MCTP1: variants seen among roughly 807,000 people sequenced by gnomAD.
MCTP1 encodes the protein multiple C2 and transmembrane domain-containing protein 1.
Under a neutral mutation model 120.6 loss-of-function variants are expected in MCTP1, and 69 were observed. The observed-to-expected ratio is 0.57, with a 90% CI of 0.47 to 0.70. The LOEUF (loss-of-function observed/expected upper bound fraction) is 0.70. Ranked by LOEUF, MCTP1 falls within the 30% of genes least tolerant of loss-of-function variation. MCTP1 has a pLI of 0.00. For missense variants in MCTP1, 1,203 were observed against 1,248.8 expected (o/e 0.96, Z 0.55); for synonymous variants, 529 against 493.1 (o/e 1.07, Z -0.96).
At chr5:95,245,398 C>T (rs1254773585) in intron 1 of MCTP1, among the ~76,000 whole-genome samples, 1 of 152,184 alleles carries the variant, frequency 6.6e-6, no homozygotes, top group Non-Finnish European at 1.5e-5. Context: ...GGCGCATGTT[C>T]TAACCCATCG....
At chr5:94,939,998 T>C (rs2153501884) in intron 5 of MCTP1, 86 bp downstream of exon 5, 1 of 674,730 alleles carries the variant, frequency 1.5e-6, no homozygotes, top group East Asian at 2.7e-5. Flanking sequence ...ATAGGCAGCT[T>C]CTCTTTATTA....
In MCTP1 at chr5:94,959,401, G is replaced by GAAC. The variant is rs1823545943; in HGVS notation, c.839-6041_839-6040insGTT. ...TCTCTCACCACTCCTATTCAATATA[G>GAAC]TATTGAAAGTTCCGGCCAGGGCAAT... On this transcript the variant is annotated intron_variant, in intron 2 of 22. Transcript: ENST00000515393. Among the ~76,000 whole-genome samples the GAAC allele has an allele frequency of 4.6e-5, 7 of 152,238 alleles. No individual in the cohort carries two copies. The South Asian group carries it at 1.4e-3, about 32-fold the overall frequency.
chr5:94,778,021 T>G (rs1402543599), intron 19 of MCTP1, among the ~76,000 whole-genome samples: 2 of 151,994 alleles, frequency 1.3e-5, no homozygotes, highest in African/African-American at 2.4e-5. Flanking sequence ...AATCACTGAA[T>G]TTTTTGACAT....
At chr5:94,932,610 T>G (rs1341199439) in intron 5 of MCTP1, among the ~76,000 whole-genome samples, 4 of 152,060 alleles carry the variant, frequency 2.6e-5, no homozygotes, top group Admixed American at 1.3e-4. Flanking sequence ...TCTAGAGCTT[T>G]GTAATGCATC....
chr5:95,208,575 AG>A (rs1336471384), intron 1 of MCTP1, among the ~76,000 whole-genome samples: 1 of 152,112 alleles, frequency 6.6e-6, no homozygotes, highest in Non-Finnish European at 1.5e-5. Context: ...TTTGGTTTTG[AG>A]GGTTTAAATA....
intron 1 of MCTP1, among the ~76,000 whole-genome samples, chr5:95,035,389 T>TA (rs754921028): frequency 1.3e-5 from 2 of 152,038 alleles, no homozygotes; most frequent in Non-Finnish European, 2.9e-5. Flanking sequence ...TGTGCAGCCA[T>TA]AAAAAGAATG....
intron 1 of MCTP1, among the ~76,000 whole-genome samples, chr5:95,038,350 C>A (rs961647384): frequency 6.6e-6 from 1 of 152,062 alleles, no homozygotes; most frequent in African/African-American, 2.4e-5. Flanking sequence ...TGGATTACAA[C>A]CCAAAGAATA....
chr5:94,718,550 C>G (rs1465870768), intron 19 of MCTP1, among the ~76,000 whole-genome samples: 1 of 152,044 alleles, frequency 6.6e-6, no homozygotes, highest in Admixed American at 6.6e-5. Flanking sequence ...AGAGCTTCTG[C>G]ACAGCAAAAG....
At chr5:95,213,167 C>A (rs1752606161) in intron 1 of MCTP1, among the ~76,000 whole-genome samples, 1 of 152,162 alleles carries the variant, frequency 6.6e-6, no homozygotes, top group South Asian at 2.1e-4. Flanking sequence ...TCAGCAAAGT[C>A]TCAGGATACA....
chr5:95,043,077 C>A (rs769585048), intron 1 of MCTP1, among the ~76,000 whole-genome samples: 2 of 152,092 alleles, frequency 1.3e-5, no homozygotes, highest in African/African-American at 2.4e-5. Context: ...CACCAATCTT[C>A]CAAAAATATC....
At chr5:95,181,756 A>G (rs1415250427) in intron 1 of MCTP1, among the ~76,000 whole-genome samples, 4 of 152,226 alleles carry the variant, frequency 2.6e-5, no homozygotes, top group Non-Finnish European at 5.9e-5. Flanking sequence ...TGCATAAGAT[A>G]CAAAATTTGC....
intron 17 of MCTP1, among the ~76,000 whole-genome samples, chr5:94,844,045 G>A (rs889556148): frequency 1.3e-5 from 2 of 152,150 alleles, no homozygotes; most frequent in Non-Finnish European, 2.9e-5. Flanking sequence ...GCTCATGCCT[G>A]TAATCTCAAC....
rs772726730 is a variant in MCTP1, at chr5:95,183,772, C to A, written c.720+100084G>T. The stretch of plus-strand genomic sequence containing the variant: ...TAATGAAGGAAATAAAAATAAAAAT[C>A]ACAATTAGATACTACTTCAGATCTA... On this transcript the variant is annotated intron_variant, in intron 1 of 22. Transcript: ENST00000515393. Among the ~76,000 whole-genome samples the A allele has an allele frequency of 2.8e-4, 42 of 152,084 alleles. 1 individual carries two copies. The highest frequency in any genetic ancestry group is 1.5e-4 in the Non-Finnish European group (10 of 68,014).
chr5:94,819,621 A>G (rs1184766009), intron 17 of MCTP1, among the ~76,000 whole-genome samples: 1 of 152,196 alleles, frequency 6.6e-6, no homozygotes, highest in Non-Finnish European at 1.5e-5. Context: ...CAATAGGTCC[A>G]ATGTGGCCAT....
At chr5:95,061,258 GATAA>G (rs1562094564) in intron 1 of MCTP1, among the ~76,000 whole-genome samples, 1 of 150,692 alleles carries the variant, frequency 6.6e-6, no homozygotes. Context: ...TAGCAAAAGA[GATAA>G]ATAAGGGAAA....
chr5:94,797,835 A>G (rs1468912429), intron 18 of MCTP1, among the ~76,000 whole-genome samples: 1 of 152,138 alleles, frequency 6.6e-6, no homozygotes, highest in African/African-American at 2.4e-5. Context: ...TTTGTCACAT[A>G]CTAAAGGAAA....
At chr5:95,220,384 C>G (rs1415453001) in intron 1 of MCTP1, among the ~76,000 whole-genome samples, 1 of 151,242 alleles carries the variant, frequency 6.6e-6, no homozygotes, top group Non-Finnish European at 1.5e-5. Flanking sequence ...CCTCTACAAG[C>G]ATGTACAAAC....
chr5:94,867,606 A>C, intron 17 of MCTP1: 1 of 399,846 alleles, frequency 2.5e-6, no homozygotes, highest in Non-Finnish European at 4.5e-6. Flanking sequence ...CTCTACTTAA[A>C]CTTCAAACTG....
At chr5:94,922,552 A>G (rs1019521609) in intron 7 of MCTP1, among the ~76,000 whole-genome samples, 1 of 151,660 alleles carries the variant, frequency 6.6e-6, no homozygotes, top group African/African-American at 2.4e-5. Context: ...GCAATGGCGC[A>G]ATCGCAGCCC....
Sources: allele counts gnomAD v4.1 joint callset (sites outside exome capture counted in the v4.1 genomes callset), GRCh38; gene constraint gnomAD v4.1.1; transcripts MANE v1.5; gene names NCBI Gene and HGNC (gene_info 2026-07-23, HGNC 2026-07-21).